The following POR variants were observed in gnomAD, a reference collection of about 807,000 sequenced individuals.
POR encodes the protein cytochrome p450 oxidoreductase.
In POR, 56 loss-of-function variants were observed where a neutral mutation model predicts 84.0. The observed-to-expected ratio is 0.67, with a 90% CI of 0.54 to 0.83. The LOEUF (loss-of-function observed/expected upper bound fraction) is 0.83, where lower values mean the gene tolerates loss of function less well. Among genes scored for constraint, POR ranks in the 40% least tolerant of loss-of-function variants. POR has a pLI of 0.00. For synonymous variants in POR, 414 were observed against 400.5 expected (o/e 1.03, Z -0.40); for missense variants, 938 against 944.3 (o/e 0.99, Z 0.09).
chr7:75,958,052 C>T (rs1401748107), intron 2 of POR, among the ~76,000 whole-genome samples: 1 of 152,158 alleles, frequency 6.6e-6, no homozygotes, highest in Non-Finnish European at 1.5e-5. Context: ...CTGAGTTAAT[C>T]CATCATAGAG....
intron 1 of POR, among the ~76,000 whole-genome samples, chr7:75,933,975 T>G (rs1163535658): frequency 6.6e-6 from 1 of 152,064 alleles, no homozygotes; most frequent in African/African-American, 2.4e-5. Flanking sequence ...ACAGTTTTTT[T>G]TTTTTTGGTA....
intron 2 of POR, among the ~76,000 whole-genome samples, chr7:75,956,835 C>T (rs983962831): frequency 1.3e-5 from 2 of 151,970 alleles, no homozygotes; most frequent in Non-Finnish European, 2.9e-5. Context: ...AGGCGATTCT[C>T]GTGCCTCAGT....
intron 1 of POR, among the ~76,000 whole-genome samples, chr7:75,925,669 T>A (rs1005480907): frequency 5.3e-5 from 8 of 152,190 alleles, no homozygotes; most frequent in African/African-American, 1.9e-4. Flanking sequence ...TGGGACTACT[T>A]TTGTGTGTGG....
At position 75,981,512 on chromosome 7, in the gene POR, C is replaced by T; in HGVS notation, c.642-5C>T. On this transcript the variant is annotated splice_polypyrimidine_tract_variant and splice_region_variant and intron_variant, in intron 6 of 15. Transcript: ENST00000461988. Reference sequence around the variant, plus strand: ...GCCGCTCCCCCTCTCCTCTCCTCGGCCCAGCTTGGAGGAGGACTTCATCAC... The same window carrying T: ...GCCGCTCCCCCTCTCCTCTCCTCGGTCCAGCTTGGAGGAGGACTTCATCAC... The T allele has an allele frequency of 1.9e-6, 3 of 1,610,868 alleles. No homozygotes were observed. Among genetic ancestry groups the T allele is most frequent in the Middle Eastern group, 1.7e-4 (1 of 6,052 alleles).
chr7:75,953,948 G>GC, intron 1 of POR, 41 bp from the exon 2 acceptor site: 1 of 1,493,426 alleles, frequency 6.7e-7, no homozygotes, highest in Non-Finnish European at 9.1e-7. Flanking sequence ...GGGGCACCCT[G>GC]CTACCCTCTG....
Position 75,981,517 on chromosome 7 carries a change from C to T in POR, c.642C>T (p.Asn214=), listed in dbSNP as rs368605655. 6.2e-7 allele frequency: 1 copy of T among 1,611,608 alleles called. No homozygotes were observed. The highest frequency in any genetic ancestry group is 1.3e-5 in the African/African-American group (1 of 74,894). The stretch of plus-strand genomic sequence containing the variant: ...TCCCCCTCTCCTCTCCTCGGCCCAG[C>T]TTGGAGGAGGACTTCATCACCTGGC... Residue 214 remains asparagine (N), a splice_region_variant and synonymous_variant, in exon 7 of 16, where the codon AAC becomes AAT. Transcript: ENST00000461988.
In POR at chr7:75,986,181, A is replaced by C. The variant is rs782050917; in HGVS notation, c.1838A>C (p.Lys613Thr). The stretch of plus-strand genomic sequence containing the variant: ...CAGGTCTACGTCCAGCACCTGCTAA[A>C]GCAAGACCGAGAGCACCTGTGGAAG... The change falls in exon 15 of 16, where the codon AAG (lysine) becomes ACG (threonine). Residue 613 changes from lysine to threonine, a missense_variant. Lys to Thr is a moderately conservative substitution (Grantham distance 78, BLOSUM62 -1). Transcript: ENST00000461988. 2.5e-6 allele frequency: 4 copies of C among 1,612,248 alleles called. No homozygotes were observed. Among genetic ancestry groups the C allele is most frequent in the Non-Finnish European group, 3.4e-6 (4 of 1,179,638 alleles).
intron 4 of POR, 35 bp downstream of exon 4, chr7:75,979,614 G>A: frequency 1.2e-6 from 2 of 1,609,808 alleles, no homozygotes; most frequent in Non-Finnish European, 1.7e-6. Flanking sequence ...CCAGATGGAG[G>A]CAGTGGGTAG....
intron 1 of POR, chr7:75,921,074 A>G (rs1174365495): frequency 6.6e-6 from 1 of 152,282 alleles, no homozygotes; most frequent in East Asian, 1.9e-4. Flanking sequence ...CTCAGGAGTC[A>G]TTCAGCGTCA....
intron 1 of POR, among the ~76,000 whole-genome samples, chr7:75,939,010 T>C (rs1470071506): frequency 6.6e-6 from 1 of 152,192 alleles, no homozygotes; most frequent in African/African-American, 2.4e-5. Context: ...TGCCTGCTTT[T>C]TCCTTCCAGC....
At chr7:75,967,879 G>A (rs1254617659) in intron 2 of POR, 1 of 362,854 alleles carries the variant, frequency 2.8e-6, no homozygotes, top group Non-Finnish European at 5.6e-6. Flanking sequence ...GGGGGCAGAC[G>A]CAGGCAGGAG....
intron 2 of POR, among the ~76,000 whole-genome samples, chr7:75,955,943 C>T (rs1383545948): frequency 6.6e-6 from 1 of 152,184 alleles, no homozygotes; most frequent in East Asian, 1.9e-4. Flanking sequence ...CACCGTAAAG[C>T]AGATATTCAC....
At chr7:75,971,835 G>A (rs919083676) in intron 2 of POR, among the ~76,000 whole-genome samples, 1 of 152,120 alleles carries the variant, frequency 6.6e-6, no homozygotes, top group Admixed American at 6.6e-5. Context: ...ACCATGCAGG[G>A]AGGGGGTGTG....
chr7:75,985,085 GC>G lies in POR; in HGVS notation c.1279del (p.Arg427GlyfsTer118). On this transcript the variant is annotated frameshift_variant, in exon 12 of 16. Transcript: ENST00000461988. LOFTEE classifies it high-confidence loss of function. ...GCTGTACCTGAGCTGGGTGGTGGAG[GC>G]CCGGAGGCACATCCTGGCCATCCTG... 6.3e-7 allele frequency: 1 copy of G among 1,599,374 alleles called. No individual in the cohort carries two copies. The highest frequency in any genetic ancestry group is 8.5e-7 in the Non-Finnish European group (1 of 1,179,050).
intron 1 of POR, among the ~76,000 whole-genome samples, chr7:75,942,202 G>C (rs1786952317): frequency 6.6e-6 from 1 of 152,170 alleles, no homozygotes. Context: ...ACTGCAGTCT[G>C]GGTGACAAAG....
At chr7:75,973,527 A>T (rs1788534711) in intron 3 of POR, among the ~76,000 whole-genome samples, 1 of 152,064 alleles carries the variant, frequency 6.6e-6, no homozygotes, top group African/African-American at 2.4e-5. Context: ...TATGTTGCCC[A>T]GGCTGGTCTT....
chr7:75,985,292 T>G (rs1243399007), intron 12 of POR, 85 bp downstream of exon 12: 2 of 1,432,406 alleles, frequency 1.4e-6, no homozygotes, highest in Non-Finnish European at 1.8e-6. Context: ...GCACAGGAGC[T>G]CCGAGATCTG....
chr7:75,985,766 C>T lies in POR; in HGVS notation c.1586C>T (p.Thr529Met), dbSNP rs782248163. The T allele has an allele frequency of 4.9e-5, 77 of 1,578,936 alleles. No homozygotes were observed. The highest frequency in any genetic ancestry group is 5.9e-5 in the Non-Finnish European group (69 of 1,163,656). The change falls in exon 13 of 16, where the codon ACG (threonine) becomes ATG (methionine). Residue 529 changes from threonine to methionine, a missense_variant. By Grantham distance (81) the Thr-to-Met change is moderately conservative. Transcript: ENST00000461988. Reference sequence around the variant, plus strand: ...TTCCGCCTGCCCTTCAAGGCCACCACGCCTGTCATCATGGTGGGCCCCGGC... The same window carrying T: ...TTCCGCCTGCCCTTCAAGGCCACCATGCCTGTCATCATGGTGGGCCCCGGC...
chr7:75,985,796 G>C lies in POR; in HGVS notation c.1616G>C (p.Gly539Ala). The C allele has an allele frequency of 6.4e-7, 1 of 1,567,456 alleles. No homozygotes were observed. The highest frequency in any genetic ancestry group is 8.6e-7 in the Non-Finnish European group (1 of 1,156,530). ...GTCATCATGGTGGGCCCCGGCACCG[G>C]GGTGGCACCCTTCATAGGCTTCATC... The change falls in exon 13 of 16, where the codon GGG becomes GCG. Residue 539 changes from glycine to alanine, a missense_variant. Gly to Ala is a moderately conservative substitution (Grantham distance 60). Coordinates refer to ENST00000461988, the MANE Select transcript of POR (RefSeq NM_000941.3).
Sources: allele counts gnomAD v4.1 joint callset (sites outside exome capture counted in the v4.1 genomes callset), GRCh38; gene constraint gnomAD v4.1.1; transcripts MANE v1.5; gene names NCBI Gene and HGNC (gene_info 2026-07-23, HGNC 2026-07-21).